SYNPO2L: variants seen among roughly 807,000 people sequenced by gnomAD.
SYNPO2L encodes the protein synaptopodin 2-like protein.
In SYNPO2L, 34 loss-of-function variants were observed where a neutral mutation model predicts 47.5. The ratio of observed to expected loss-of-function variants is 0.72; its 90% CI spans 0.54 to 0.95. The LOEUF is 0.95. SYNPO2L is among the 40% of genes least tolerant of loss of function. The pLI, the probability that SYNPO2L is intolerant of heterozygous loss-of-function variation, is 0.00. For missense variants in SYNPO2L, 1,246 were observed against 1,282.0 expected (o/e 0.97, Z 0.43); for synonymous variants, 536 against 524.9 (o/e 1.02, Z -0.29).
chr10:73,646,610 G>C lies in SYNPO2L; in HGVS notation c.*108C>G. ...ATCAACTTGGAAACCATCTCTGGCA[G>C]GAGGCAATTTAGCTTCCAGATGCGT... On this transcript the variant is annotated 3_prime_UTR_variant, in exon 4 of 4. Transcript: ENST00000394810. 7.4e-7 allele frequency: 1 copy of C among 1,342,678 alleles called. No homozygotes were observed. Among genetic ancestry groups the C allele is most frequent in the Non-Finnish European group, 9.6e-7 (1 of 1,040,784 alleles). The allele number at this position is 1,342,678 out of a possible 1,614,324, so 83.2% of individuals were successfully genotyped here.
intron 3 of SYNPO2L, chr10:73,649,867 G>A (rs2081825023): frequency 2.0e-6 from 2 of 985,278 alleles, no homozygotes; most frequent in Non-Finnish European, 1.2e-6. Flanking sequence ...GTTCTCCAAG[G>A]CAACACTCCA....
At position 73,655,879 on chromosome 10, in the gene SYNPO2L, G is replaced by T; in HGVS notation, c.44C>A (p.Ala15Asp). Residue 15 changes from alanine (A) to aspartate (D), a missense_variant, in exon 1 of 4, where the codon GCC becomes GAC. By Grantham distance (126) the Ala-to-Asp change is moderately radical. Coordinates refer to ENST00000394810, the MANE Select transcript of SYNPO2L (RefSeq NM_001114133.3). Reference sequence around the variant, plus strand: ...CCCATGAAGTCGGAAGCCCCAGGGGGCTCCCCCTGATAGTGTGACCAGCAC... The same window carrying T: ...CCCATGAAGTCGGAAGCCCCAGGGGTCTCCCCCTGATAGTGTGACCAGCAC... ...EEVLVTLSGG[A>D]PWGFRLHGGA... 4 of 1,551,208 alleles carry T rather than the reference G, an allele frequency of 2.6e-6. No homozygotes were observed. Among genetic ancestry groups the T allele is most frequent in the Non-Finnish European group, 3.5e-6 (4 of 1,146,888 alleles).
At chr10:73,653,692 G>A in intron 2 of SYNPO2L, 39 bp from the exon 3 acceptor site, 1 of 1,500,198 alleles carries the variant, frequency 6.7e-7, no homozygotes, top group Non-Finnish European at 8.9e-7. Context: ...AGATGGGCTG[G>A]GTACTGACAG....
rs1554959507 is a variant in SYNPO2L, at chr10:73,647,384, G to A, written c.2268C>T (p.Gly756=). Residue 756 remains glycine, a synonymous_variant, in exon 4 of 4, where the codon GGC becomes GGT. Transcript: ENST00000394810. ...AGIPEPPRLQ[G]RGGELFAKRQ... ...GCTTAGCAAACAGCTCCCCACCCCT[G>A]CCCTGCAGCCTTGGTGGCTCAGGGA... is the stretch of plus-strand genomic sequence containing the variant. The A allele has an allele frequency of 3.7e-6, 6 of 1,613,972 alleles. No homozygotes were observed. Among genetic ancestry groups the A allele is most frequent in the South Asian group, 1.1e-5 (1 of 91,072 alleles).
chr10:73,653,689 C>T lies in SYNPO2L; in HGVS notation c.258-36G>A, dbSNP rs1451065513. 12 of 1,504,378 alleles carry T rather than the reference C, an allele frequency of 8.0e-6. No individual in the cohort carries two copies. In the South Asian group the frequency reaches 1.3e-4, roughly 16 times the overall value. 93.2% of individuals were successfully genotyped at this position (1,504,378 alleles called of 1,614,324 possible). Reference sequence around the variant, plus strand: ...AAGATGACAGAGCTTGAGAGATGGGCTGGGTACTGACAGCTAGAGAGATCT... The same window carrying T: ...AAGATGACAGAGCTTGAGAGATGGGTTGGGTACTGACAGCTAGAGAGATCT... On this transcript the variant is annotated intron_variant, in intron 2 of 3. Coordinates refer to ENST00000394810, the MANE Select transcript of SYNPO2L (RefSeq NM_001114133.3).
intron 3 of SYNPO2L, among the ~76,000 whole-genome samples, chr10:73,651,630 CT>C (rs889923516): frequency 6.6e-6 from 1 of 152,174 alleles, no homozygotes. Flanking sequence ...GTGGAATGGG[CT>C]TTTTCTGCCC....
intron 3 of SYNPO2L, chr10:73,650,858 T>C: frequency 6.5e-7 from 1 of 1,527,536 alleles, no homozygotes; most frequent in Non-Finnish European, 8.8e-7. Flanking sequence ...TATTGACATC[T>C]TCCCCTCCAT....
chr10:73,651,998 C>T (rs2081844640), intron 3 of SYNPO2L, among the ~76,000 whole-genome samples: 2 of 145,648 alleles, frequency 1.4e-5, no homozygotes, highest in South Asian at 4.4e-4. Context: ...TTGCTTGAAC[C>T]CAGGAGGTGG....
Position 73,645,935 on chromosome 10 carries a change from C to T in SYNPO2L, c.*783G>A. 1 of 882,604 alleles carries T rather than the reference C, an allele frequency of 1.1e-6. No homozygotes were observed. The highest frequency in any genetic ancestry group is 1.4e-6 in the Non-Finnish European group (1 of 735,794). 54.7% of individuals were successfully genotyped at this position (882,604 alleles called of 1,614,324 possible). On this transcript the variant is annotated 3_prime_UTR_variant, in exon 4 of 4. Transcript: ENST00000394810. ...CGCCTTCCAGGTTCATGCCATTCTC[C>T]TGCCTCAGCCTCCCGAGTAGCTGGG...
At chr10:73,653,693 G>T (rs2081858563) in intron 2 of SYNPO2L, 40 bp from the exon 3 acceptor site, 3 of 1,500,294 alleles carry the variant, frequency 2.0e-6, no homozygotes, top group Non-Finnish European at 8.9e-7. Context: ...GATGGGCTGG[G>T]TACTGACAGC....
Position 73,653,340 on chromosome 10 carries a change from G to A in SYNPO2L, c.571C>T (p.Pro191Ser), listed in dbSNP as rs768471752. The part of the protein sequence containing the change: ...PAEPAPTIPG[P>S]PSQGDSRVSS... ...ACACGGCTGTCACCCTGGCTGGGAG[G>A]GCCAGGGATAGTAGGTGCTGGCTCT... is the stretch of plus-strand genomic sequence containing the variant. Residue 191 changes from proline (P) to serine (S), a missense_variant, in exon 3 of 4, where the codon CCT becomes TCT. Physicochemically the swap from Pro to Ser is moderately conservative, Grantham distance 74 (BLOSUM62 -1). This residue lies in a region of SYNPO2L where 148 missense variants were observed against 204.8 expected (regional missense o/e 0.72). Coordinates refer to ENST00000394810, the MANE Select transcript of SYNPO2L (RefSeq NM_001114133.3). 5 of 1,551,594 alleles carry A rather than the reference G, an allele frequency of 3.2e-6. 1 individual carries two copies. The highest frequency in any genetic ancestry group is 2.4e-5 in the East Asian group (1 of 40,914).
In SYNPO2L at chr10:73,653,432, C is replaced by T. The variant is rs879572835; in HGVS notation, c.479G>A (p.Arg160Gln). The T allele has an allele frequency of 1.5e-5, 23 of 1,551,272 alleles. No homozygotes were observed. The highest frequency in any genetic ancestry group is 2.7e-5 in the African/African-American group (2 of 73,036). Residue 160 changes from arginine (R) to glutamine (Q), a missense_variant, in exon 3 of 4, where the codon CGA becomes CAA. Around this residue, in one of 3 missense-constraint regions of SYNPO2L, gnomAD observed 148 missense variants for 204.8 expected, o/e 0.72. Coordinates refer to ENST00000394810, the MANE Select transcript of SYNPO2L (RefSeq NM_001114133.3). ...CGGAGGGGTGGGCCTTGTGGGGCCT[C>T]GGCGGCGAGGTCGACGGGGCTTCTC... ...TQEKPRRPRR[R>Q]GPTRPTPPGA...
intron 2 of SYNPO2L, 98 bp downstream of exon 2, chr10:73,654,030 GT>G: frequency 7.0e-7 from 1 of 1,423,068 alleles, no homozygotes; most frequent in Non-Finnish European, 9.5e-7. Flanking sequence ...GCAGAAATAG[GT>G]ACCTGTTAGT....
rs1280599186 is a variant in SYNPO2L, at chr10:73,649,626, CAT to C, written c.773-749_773-748del. On this transcript the variant is annotated intron_variant, in intron 3 of 3. Coordinates refer to ENST00000394810, the MANE Select transcript of SYNPO2L (RefSeq NM_001114133.3). ...ATTCACATACACTTATGTAAATACA[CAT>C]GTGTGCACATCAAAACACCATCACT... 12 of 690,004 alleles carry C rather than the reference CAT, an allele frequency of 1.7e-5. No individual in the cohort carries two copies. The Admixed American group carries it at 5.6e-4, about 32-fold the overall frequency. 42.7% of individuals were successfully genotyped at this position (690,004 alleles called of 1,614,324 possible).
At position 73,648,539 on chromosome 10, in the gene SYNPO2L, G is replaced by T. The variant is rs1292466216; in HGVS notation, c.1113C>A (p.Gly371=). 6.2e-7 allele frequency: 1 copy of T among 1,614,006 alleles called. No homozygotes were observed. Among genetic ancestry groups the T allele is most frequent in the Admixed American group, 1.7e-5 (1 of 59,998 alleles). The change falls in exon 4 of 4, where the codon GGC becomes GGA. Residue 371 remains glycine, a synonymous_variant. Transcript: ENST00000394810. ...LARAGSRASE[G]QGSGLGGQLS... Reference sequence around the variant, plus strand: ...GCTGCCCTCCCAGCCCAGAGCCCTGGCCCTCTGATGCTCTTGAGCCCGCCC... The same window carrying T: ...GCTGCCCTCCCAGCCCAGAGCCCTGTCCCTCTGATGCTCTTGAGCCCGCCC...
rs767948968 is a variant in SYNPO2L at position 73,648,541 on chromosome 10, C to T, written c.1111G>A (p.Gly371Ser). The T allele has an allele frequency of 6.2e-7, 1 of 1,614,136 alleles. No individual in the cohort carries two copies. Among genetic ancestry groups the T allele is most frequent in the Non-Finnish European group, 8.5e-7 (1 of 1,180,004 alleles). Residue 371 changes from glycine to serine, a missense_variant, in exon 4 of 4, where the codon GGC becomes AGC. Gly to Ser is a moderately conservative substitution (Grantham distance 56, BLOSUM62 0). Coordinates refer to ENST00000394810, the MANE Select transcript of SYNPO2L (RefSeq NM_001114133.3). ...LARAGSRASE[G>S]QGSGLGGQLS... ...TGCCCTCCCAGCCCAGAGCCCTGGC[C>T]CTCTGATGCTCTTGAGCCCGCCCTG... is the stretch of plus-strand genomic sequence containing the variant.
In SYNPO2L at chr10:73,647,489, A is replaced by G. The variant is rs1589451270; in HGVS notation, c.2163T>C (p.Thr721=). The part of the protein sequence containing the change: ...PKTPPPMTPK[T]PPPVAPKPPS... ...GGGGCTTAGGAGCCACTGGGGGTGG[A>G]GTCTTAGGAGTCATAGGGGGCGGGG... Residue 721 remains threonine (T), a synonymous_variant, in exon 4 of 4, where the codon ACT becomes ACC. Coordinates refer to ENST00000394810, the MANE Select transcript of SYNPO2L (RefSeq NM_001114133.3). The G allele has an allele frequency of 6.4e-7, 1 of 1,568,336 alleles. No homozygotes were observed. The highest frequency in any genetic ancestry group is 2.3e-5 in the East Asian group (1 of 43,884).
In SYNPO2L at chr10:73,648,175, TG is replaced by T. The variant is rs2081796192; in HGVS notation, c.1476del (p.Arg494GlyfsTer51). On this transcript the variant is annotated frameshift_variant, in exon 4 of 4. Transcript: ENST00000394810. LOFTEE classifies it low-confidence loss of function (END_TRUNC). ...TTSVIFRPLA[P>X]KRANDSLGGL... Reference sequence around the variant, plus strand: ...CCCCCCAGGCTGTCGTTCGCCCTTTTGGGGGCTAAAGGCCGGAAAATAACCG... The same window carrying T: ...CCCCCCAGGCTGTCGTTCGCCCTTTTGGGGCTAAAGGCCGGAAAATAACCG... The T allele has an allele frequency of 6.4e-7, 1 of 1,561,110 alleles. No individual in the cohort carries two copies. Among genetic ancestry groups the T allele is most frequent in the Admixed American group, 1.8e-5 (1 of 55,426 alleles).
In SYNPO2L at chr10:73,655,851, C is replaced by T. The variant is rs113166136; in HGVS notation, c.72G>A (p.Gly24=). The T allele has an allele frequency of 1.4e-4, 212 of 1,551,210 alleles. 2 individuals carry two copies. The African/African-American group carries it at 1.6e-3, about 11-fold the overall frequency. Residue 24 remains glycine, a synonymous_variant, in exon 1 of 4, where the codon GGG becomes GGA. Coordinates refer to ENST00000394810, the MANE Select transcript of SYNPO2L (RefSeq NM_001114133.3). ...CCTGTAACGGTTTCCTCTGCTCGGC[C>T]CCCCCATGAAGTCGGAAGCCCCAGG... ...GAPWGFRLHG[G]AEQRKPLQVS...
Sources: gnomAD v4.1 joint callset for allele counts (sites outside exome capture counted in the v4.1 genomes callset) on GRCh38, gnomAD v4.1.1 for gene constraint, gnomAD v4.1.1 regional missense constraint, MANE v1.5 for transcripts, NCBI Gene and HGNC (gene_info 2026-07-23, HGNC 2026-07-21) for gene names.